Variants in TEX47 observed in about 807,000 individuals in gnomAD.
The protein encoded by TEX47 is testis-expressed protein 47.
In TEX47, 18 loss-of-function variants were observed where a neutral mutation model predicts 18.0. That is an observed-to-expected ratio of 1.00 (90% CI 0.69 to 1.48). The LOEUF (loss-of-function observed/expected upper bound fraction) is 1.48, where lower values mean the gene tolerates loss of function less well. Among genes scored for constraint, TEX47 ranks in the 40% most tolerant of loss-of-function variants. TEX47 has a pLI of 0.00. For synonymous variants in TEX47, 98 were observed against 109.4 expected, an observed-to-expected ratio of 0.90 and a Z score of 0.65; for missense variants, 303 against 300.2, an observed-to-expected ratio of 1.01 and a Z score of -0.07.
Position 88,794,209 on chromosome 7 carries a change from A to G in TEX47, c.734T>C (p.Val245Ala). Reference protein sequence around the residue: ...RPIHITLDSEVVWPAPSRF With the variant: ...RPIHITLDSEAVWPAPSRF ...GAAACGTGAAGGAGCAGGCCATACC[A>G]CCTCAGAATCCAGAGTGATGTGTAT... Residue 245 changes from valine (V) to alanine (A), a missense_variant, in exon 2 of 2, where the codon GTG becomes GCG. By Grantham distance (64) the Val-to-Ala change is moderately conservative. Transcript: ENST00000297203. 1 of 1,612,008 alleles carries G rather than the reference A, an allele frequency of 6.2e-7. No homozygotes were observed. Among genetic ancestry groups the G allele is most frequent in the Non-Finnish European group, 8.5e-7 (1 of 1,178,828 alleles).
Position 88,794,583 on chromosome 7 carries a change from A to G in TEX47, c.360T>C (p.Asp120=), listed in dbSNP as rs377395892. 1 of 1,613,670 alleles carries G rather than the reference A, an allele frequency of 6.2e-7. No homozygotes were observed. Among genetic ancestry groups the G allele is most frequent in the Non-Finnish European group, 8.5e-7 (1 of 1,179,760 alleles). Residue 120 remains aspartate (D), a synonymous_variant, in exon 2 of 2, where the codon GAT becomes GAC. Transcript: ENST00000297203. ...TTTGTTGAATAAAAAATACTGTTTCATCTTTGACATGGCCAATATAATCTA... is the reference window on the plus strand; with the variant it reads ...TTTGTTGAATAAAAAATACTGTTTCGTCTTTGACATGGCCAATATAATCTA... ...VLLDYIGHVK[D]ETVFFIQQMK... is the part of the protein sequence containing the mutation.
chr7:88,794,152 G>C lies in TEX47; in HGVS notation c.*29C>G. Reference sequence around the variant, plus strand: ...TATTTAAGTAGCACAAACTCCTTAAGAGACATGGGCACATTATCCCTCTCA... The same window carrying C: ...TATTTAAGTAGCACAAACTCCTTAACAGACATGGGCACATTATCCCTCTCA... On this transcript the variant is annotated 3_prime_UTR_variant, in exon 2 of 2. Coordinates refer to ENST00000297203, the MANE Select transcript of TEX47 (RefSeq NM_152706.4). 6.4e-7 allele frequency: 1 copy of C among 1,551,208 alleles called. No individual in the cohort carries two copies. The highest frequency in any genetic ancestry group is 1.4e-5 in the African/African-American group (1 of 72,560).
At position 88,795,016 on chromosome 7, in the gene TEX47, C is replaced by T; in HGVS notation, c.-74G>A. 1 of 1,266,828 alleles carries T rather than the reference C, an allele frequency of 7.9e-7. No homozygotes were observed. The highest frequency in any genetic ancestry group is 1.1e-6 in the Non-Finnish European group (1 of 938,922). The allele number at this position is 1,266,828 out of a possible 1,614,324, so 78.5% of individuals were successfully genotyped here. On this transcript the variant is annotated 5_prime_UTR_variant, in exon 2 of 2. Coordinates refer to ENST00000297203, the MANE Select transcript of TEX47 (RefSeq NM_152706.4). ...TAATATTTATGCTGCCAGGGTACCT[C>T]TTTACTGATGAACTCGTGTTTTTAT...
rs202024199 is a variant in TEX47 at position 88,794,902 on chromosome 7, G to A, written c.41C>T (p.Pro14Leu). ...SVHNQKGSKR[P>L]LPLEPLLFLQ... ...AAAAAGAAGAGGTTCCAGTGGCAAA[G>A]GCCTTTTGCTGCCCTTCTGGTTATG... The change falls in exon 2 of 2, where the codon CCT becomes CTT. Residue 14 changes from proline to leucine, a missense_variant. Transcript: ENST00000297203. 6 of 1,606,652 alleles carry A rather than the reference G, an allele frequency of 3.7e-6. No individual in the cohort carries two copies. The highest frequency in any genetic ancestry group is 1.3e-5 in the African/African-American group (1 of 74,326).
Position 88,795,046 on chromosome 7 carries a change from T to C in TEX47, c.-104A>G. On this transcript the variant is annotated splice_region_variant and 5_prime_UTR_variant, in exon 2 of 2. Coordinates refer to ENST00000297203, the MANE Select transcript of TEX47 (RefSeq NM_152706.4). The stretch of plus-strand genomic sequence containing the variant: ...CTGATGAACTCGTGTTTTTATTTCT[T>C]CTGACAAAAAAAAAAAGAGTAAATC... The C allele has an allele frequency of 1.0e-6, 1 of 960,432 alleles. No individual in the cohort carries two copies. The highest frequency in any genetic ancestry group is 1.4e-6 in the Non-Finnish European group (1 of 701,172). 59.5% of individuals were successfully genotyped at this position (960,432 alleles called of 1,614,324 possible).
Position 88,794,993 on chromosome 7 carries a change from A to G in TEX47, c.-51T>C, listed in dbSNP as rs1179588547. ...TGATTCCAGCTTTTAGCTTATCATA[A>G]TATTTATGCTGCCAGGGTACCTCTT... On this transcript the variant is annotated 5_prime_UTR_variant, in exon 2 of 2. Coordinates refer to ENST00000297203, the MANE Select transcript of TEX47 (RefSeq NM_152706.4). 4.1e-6 allele frequency: 6 copies of G among 1,464,914 alleles called. No homozygotes were observed. In the Admixed American group the frequency reaches 7.5e-5, roughly 18 times the overall value. 90.7% of individuals were successfully genotyped at this position (1,464,914 alleles called of 1,614,324 possible).
At position 88,794,782 on chromosome 7, in the gene TEX47, G is replaced by C; in HGVS notation, c.161C>G (p.Ala54Gly). The C allele has an allele frequency of 6.2e-7, 1 of 1,613,622 alleles. No individual in the cohort carries two copies. The highest frequency in any genetic ancestry group is 8.5e-7 in the Non-Finnish European group (1 of 1,179,772). ...KFLLDRMFLV[A>G]KIQANVERKD... ...TCTTTCTACATTTGCTTGTATCTTG[G>C]CCACTAGAAACATCCTATCAAGAAG... Residue 54 changes from alanine to glycine, a missense_variant, in exon 2 of 2, where the codon GCC becomes GGC. By Grantham distance (60) the Ala-to-Gly change is moderately conservative. Transcript: ENST00000297203.
rs997723662 is a variant in TEX47 at position 88,794,309 on chromosome 7, G to T, written c.634C>A (p.Gln212Lys). The change falls in exon 2 of 2, where the codon CAA becomes AAA. Residue 212 changes from glutamine (Q) to lysine (K), a missense_variant. Coordinates refer to ENST00000297203, the MANE Select transcript of TEX47 (RefSeq NM_152706.4). ...GATTTGCACAAGTACTTTATGATTT[G>T]TTCTGGGAGGAGTAGGTCAGGTGCA... ...QVAPDLLLPEQIIKYLCKSEE... is the reference protein window; with the variant it reads ...QVAPDLLLPEKIIKYLCKSEE... 6.2e-7 allele frequency: 1 copy of T among 1,613,846 alleles called. No individual in the cohort carries two copies.
rs146825913 is a variant in TEX47, at chr7:88,794,631, G to A, written c.312C>T (p.Ser104=). 2.4e-5 allele frequency: 38 copies of A among 1,613,646 alleles called. No homozygotes were observed. Among genetic ancestry groups the A allele is most frequent in the Non-Finnish European group, 3.1e-5 (36 of 1,179,742 alleles). Residue 104 remains serine (S), a synonymous_variant, in exon 2 of 2, where the codon AGC becomes AGT. Transcript: ENST00000297203. ...TSILHILESS[S]DTLYKVLLDY... ...CTAAAAGAACTTTGTAGAGAGTGTCGCTGGAGGACTCGAGGATATGCAGAA... is the reference window on the plus strand; with the variant it reads ...CTAAAAGAACTTTGTAGAGAGTGTCACTGGAGGACTCGAGGATATGCAGAA...
At chr7:88,795,556 T>C (rs999540185) in intron 1 of TEX47, 84 bp downstream of exon 1, 3 of 152,174 alleles carry the variant, frequency 2.0e-5, no homozygotes, top group African/African-American at 7.2e-5. Context: ...TTTTTGTTGT[T>C]GTAAGGGCTA....
Position 88,794,472 on chromosome 7 carries a change from A to C in TEX47, c.471T>G (p.Tyr157Ter). 6.2e-7 allele frequency: 1 copy of C among 1,613,968 alleles called. No homozygotes were observed. The highest frequency in any genetic ancestry group is 1.1e-5 in the South Asian group (1 of 91,080). ...ACTGTGACTGTGTCACATCGTCGAG[A>C]TACATAACTGGAACTTTTATCACTG... ...HVSVIKVPVMYLDDVTQSQSL... is the reference protein window; with the variant it reads ...HVSVIKVPVM Residue 157 changes from tyrosine to a stop codon, truncating the protein, a stop_gained, in exon 2 of 2, where the codon TAT becomes TAG. Coordinates refer to ENST00000297203, the MANE Select transcript of TEX47 (RefSeq NM_152706.4). LOFTEE classifies it high-confidence loss of function.
rs1157478765 is a variant in TEX47, at chr7:88,794,718, T to G, written c.225A>C (p.Ser75=). 1 of 1,613,592 alleles carries G rather than the reference T, an allele frequency of 6.2e-7. No individual in the cohort carries two copies. Among genetic ancestry groups the G allele is most frequent in the East Asian group, 2.2e-5 (1 of 44,868 alleles). The change falls in exon 2 of 2, where the codon TCA becomes TCC. Residue 75 remains serine (S), a synonymous_variant. Transcript: ENST00000297203. ...VADYYEQMFQ[S]VLKHHLGEAV... is the part of the protein sequence containing the mutation. ...CTTCTCCTAGGTGATGTTTCAAAAC[T>G]GACTGAAACATTTGTTCATAGTAGT...
rs1427313370 is a variant in TEX47 at position 88,794,848 on chromosome 7, T to A, written c.95A>T (p.His32Leu). 1.2e-6 allele frequency: 2 copies of A among 1,613,688 alleles called. No homozygotes were observed. Among genetic ancestry groups the A allele is most frequent in the South Asian group, 2.2e-5 (2 of 91,042 alleles). ...FLQVPRSNYL[H>L]FQEEKQRLHL... ...TAGTCGTTGTTTCTCTTCTTGAAAG[T>A]GCAGGTAATTGCTACGTGGGACTTG... Residue 32 changes from histidine (H) to leucine (L), a missense_variant, in exon 2 of 2, where the codon CAC becomes CTC. Coordinates refer to ENST00000297203, the MANE Select transcript of TEX47 (RefSeq NM_152706.4).
chr7:88,795,202 C>T lies in TEX47; in HGVS notation c.-104-156G>A, dbSNP rs111506974. On this transcript the variant is annotated intron_variant, in intron 1 of 1. Coordinates refer to ENST00000297203, the MANE Select transcript of TEX47 (RefSeq NM_152706.4). ...TATAGACTTTTTTAAAAGTTTACAACGAAAGAGTTAAATAATATCCTAGGA... is the reference window on the plus strand; with the variant it reads ...TATAGACTTTTTTAAAAGTTTACAATGAAAGAGTTAAATAATATCCTAGGA... Among the ~76,000 whole-genome samples the T allele has an allele frequency of 4.5e-3, 678 of 152,050 alleles. 6 individuals carry two copies. Among genetic ancestry groups the T allele is most frequent in the African/African-American group, 0.015 (634 of 41,494 alleles).
Position 88,794,665 on chromosome 7 carries a change from G to T in TEX47, c.278C>A (p.Pro93His), listed in dbSNP as rs1226394222. The T allele has an allele frequency of 6.2e-7, 1 of 1,613,750 alleles. No homozygotes were observed. The highest frequency in any genetic ancestry group is 8.5e-7 in the Non-Finnish European group (1 of 1,179,836). ...CTCGAGGATATGCAGAATGGAAGTG[G>T]GATAGATGAGCAGCAATCCTGTCAC... ...EAVTGLLLIY[P>H]TSILHILESS... is the part of the protein sequence containing the mutation. The change falls in exon 2 of 2, where the codon CCC becomes CAC. Residue 93 changes from proline (P) to histidine (H), a missense_variant. Physicochemically the swap from Pro to His is moderately conservative, Grantham distance 77. Transcript: ENST00000297203.
At position 88,794,504 on chromosome 7, in the gene TEX47, G is replaced by A; in HGVS notation, c.439C>T (p.His147Tyr). ...ACTGGAACTTTTATCACTGAAACATGCCATTGCATAAAAAGCCTCATTGGA... is the reference window on the plus strand; with the variant it reads ...ACTGGAACTTTTATCACTGAAACATACCATTGCATAAAAAGCCTCATTGGA... ...NIPMRLFMQW[H>Y]VSVIKVPVMY... The change falls in exon 2 of 2, where the codon CAT becomes TAT. Residue 147 changes from histidine (H) to tyrosine (Y), a missense_variant. Coordinates refer to ENST00000297203, the MANE Select transcript of TEX47 (RefSeq NM_152706.4). 6.2e-7 allele frequency: 1 copy of A among 1,613,672 alleles called. No homozygotes were observed. The highest frequency in any genetic ancestry group is 8.5e-7 in the Non-Finnish European group (1 of 1,179,696).
In TEX47 at chr7:88,794,762, C is replaced by G; in HGVS notation, c.181G>C (p.Glu61Gln). The G allele has an allele frequency of 6.2e-7, 1 of 1,613,536 alleles. No homozygotes were observed. Among genetic ancestry groups the G allele is most frequent in the South Asian group, 1.1e-5 (1 of 91,008 alleles). ...TAGTAGTCAGCAACATCTTTTCTTT[C>G]TACATTTGCTTGTATCTTGGCCACT... ...FLVAKIQANV[E>Q]RKDVADYYEQ... Residue 61 changes from glutamate to glutamine, a missense_variant, in exon 2 of 2, where the codon GAA becomes CAA. Glu to Gln is a conservative substitution (Grantham distance 29). Coordinates refer to ENST00000297203, the MANE Select transcript of TEX47 (RefSeq NM_152706.4).
In TEX47 at chr7:88,794,543, T is replaced by C; in HGVS notation, c.400A>G (p.Ile134Val). Residue 134 changes from isoleucine to valine, a missense_variant, in exon 2 of 2, where the codon ATT becomes GTT. Ile to Val is a conservative substitution (Grantham distance 29). Transcript: ENST00000297203. ...AGCCTCATTGGAATGTTATGAGAAATGACTATAATTTTCATTTGTTGAATA... is the reference window on the plus strand; with the variant it reads ...AGCCTCATTGGAATGTTATGAGAAACGACTATAATTTTCATTTGTTGAATA... ...FFIQQMKIIV[I>V]SHNIPMRLFM... 1 of 1,613,662 alleles carries C rather than the reference T, an allele frequency of 6.2e-7. No individual in the cohort carries two copies. Among genetic ancestry groups the C allele is most frequent in the Non-Finnish European group, 8.5e-7 (1 of 1,179,774 alleles).
At chr7:88,795,478 T>TCTCCTATCAAAAAGTTTG (rs1395858437) in intron 1 of TEX47, among the ~76,000 whole-genome samples, 162 bp downstream of exon 1, 1 of 152,160 alleles carries the variant, frequency 6.6e-6, no homozygotes, top group Non-Finnish European at 1.5e-5. Context: ...TTTGGTTCTT[T>TCTCCTATCAAAAAGTTTG]GTTTTTTCTC....
Sources: gnomAD v4.1 joint callset for allele counts (sites outside exome capture counted in the v4.1 genomes callset) on GRCh38, gnomAD v4.1.1 for gene constraint, MANE v1.5 for transcripts, NCBI Gene and HGNC (gene_info 2026-07-23, HGNC 2026-07-21) for gene names.